The following MAGEC3 variants were observed in gnomAD, a reference collection of about 807,000 sequenced individuals.
MAGEC3 encodes the protein MAGE family member C3, also known as melanoma-associated antigen C3.
Under a neutral mutation model 35.3 loss-of-function variants are expected in MAGEC3, and 34 were observed. The observed-to-expected ratio is 0.96, with a 90% CI of 0.73 to 1.28. The LOEUF (loss-of-function observed/expected upper bound fraction) is 1.28, where lower values mean the gene tolerates loss of function less well. MAGEC3 is among the 50% of genes most tolerant of loss of function. The pLI is 0.00. For synonymous variants in MAGEC3, 202 were observed against 185.6 expected (o/e 1.09, Z -0.72); for missense variants, 561 against 483.6 (o/e 1.16, Z -1.50).
At chrX:141,862,846 A>G (rs1418588988) in intron 1 of MAGEC3, among the ~76,000 whole-genome samples, 1 of 111,835 alleles carries the variant, frequency 8.9e-6, no homozygotes, top group African/African-American at 3.3e-5. Context: ...ACAAACATAC[A>G]GTTAGGTAGA....
chrX:141,883,272 G>A (rs1459070112), intron 4 of MAGEC3, among the ~76,000 whole-genome samples: 2 of 112,215 alleles, frequency 1.8e-5, no homozygotes, highest in Non-Finnish European at 1.9e-5. Flanking sequence ...TCCATTGAAA[G>A]GTCATTTAAT....
At chrX:141,849,696 C>T (rs2017738969) in intron 1 of MAGEC3, among the ~76,000 whole-genome samples, 1 of 110,966 alleles carries the variant, frequency 9.0e-6, no homozygotes, top group African/African-American at 3.3e-5. Context: ...GAGATACCAC[C>T]TCACACCAGT....
intron 1 of MAGEC3, among the ~76,000 whole-genome samples, chrX:141,842,565 G>C (rs1199179693): frequency 1.8e-5 from 2 of 111,765 alleles, no homozygotes; most frequent in East Asian, 2.8e-4. Flanking sequence ...GGTAGTGGTG[G>C]CATCTTTGTT....
chrX:141,856,499 T>C (rs889930649), intron 1 of MAGEC3, among the ~76,000 whole-genome samples: 8 of 111,286 alleles, frequency 7.2e-5, no homozygotes, highest in African/African-American at 2.6e-4. Flanking sequence ...CAATTATACA[T>C]ATTTATTGGG....
intron 1 of MAGEC3, among the ~76,000 whole-genome samples, chrX:141,847,976 G>A (rs988543333): frequency 1.8e-5 from 2 of 110,889 alleles, no homozygotes; most frequent in African/African-American, 6.5e-5. Flanking sequence ...GACTGAACAA[G>A]AAATTAGGAG....
At chrX:141,870,809 T>A (rs1478112416) in intron 2 of MAGEC3, among the ~76,000 whole-genome samples, 1 of 111,928 alleles carries the variant, frequency 8.9e-6, no homozygotes, top group Non-Finnish European at 1.9e-5. Context: ...AGGGGCATGG[T>A]TACTTCCATA....
chrX:141,890,543 G>A (rs1300977828), intron 4 of MAGEC3, among the ~76,000 whole-genome samples: 2 of 111,617 alleles, frequency 1.8e-5, no homozygotes, highest in Non-Finnish European at 3.8e-5. Context: ...GCAGAAAAGT[G>A]CTGTTGAGAA....
chrX:141,856,474 C>G (rs1254440998), intron 1 of MAGEC3, among the ~76,000 whole-genome samples: 1 of 111,164 alleles, frequency 9.0e-6, no homozygotes. Context: ...TTAATGATTA[C>G]TTTTAACTGA....
At chrX:141,839,566 C>T in intron 1 of MAGEC3, 1 of 754,167 alleles carries the variant, frequency 1.3e-6, no homozygotes, top group Non-Finnish European at 1.6e-6. Flanking sequence ...GCAGCTCCTA[C>T]CACTTCCAGG....
At chrX:141,881,912 G>T in intron 4 of MAGEC3, 116 bp downstream of exon 4, 2 of 966,486 alleles carry the variant, frequency 2.1e-6, no homozygotes, top group Non-Finnish European at 2.9e-6. Flanking sequence ...GCTCCTCCAC[G>T]TTATGAATTC....
At chrX:141,865,365 CT>C (rs1603062687) in intron 1 of MAGEC3, 105 bp from the exon 2 acceptor site, 1 of 765,331 alleles carries the variant, frequency 1.3e-6, no homozygotes, top group African/African-American at 2.2e-5. Context: ...TCTCTAATTG[CT>C]TTCACTCATC....
intron 1 of MAGEC3, chrX:141,839,833 A>G (rs1278113656): frequency 4.7e-5 from 25 of 535,029 alleles, no homozygotes; most frequent in Non-Finnish European, 5.4e-5. Context: ...GGTTGTCATA[A>G]TTGGTGGCAG....
chrX:141,893,465 G>T (rs895307141), intron 4 of MAGEC3, among the ~76,000 whole-genome samples: 1 of 110,809 alleles, frequency 9.0e-6, no homozygotes, highest in African/African-American at 3.3e-5. Context: ...ACAAGTCTGT[G>T]TGATACTGTA....
At chrX:141,875,601 TC>T (rs1230807996) in intron 2 of MAGEC3, among the ~76,000 whole-genome samples, 1 of 111,769 alleles carries the variant, frequency 8.9e-6, no homozygotes, top group Non-Finnish European at 1.9e-5. Context: ...TCCCTGACAC[TC>T]CCCATTGATT....
chrX:141,886,550 C>T (rs2018003945), intron 4 of MAGEC3, among the ~76,000 whole-genome samples: 1 of 111,072 alleles, frequency 9.0e-6, no homozygotes, highest in South Asian at 3.9e-4. Flanking sequence ...CCAGGGGACC[C>T]AAAATGACAT....
intron 1 of MAGEC3, among the ~76,000 whole-genome samples, chrX:141,863,407 T>G (rs1281620705): frequency 5.4e-5 from 6 of 111,481 alleles, no homozygotes; most frequent in Admixed American, 4.8e-4. Context: ...ATACATGACA[T>G]TATATATTTG....
chrX:141,846,612 A>T (rs1241552880), intron 1 of MAGEC3, among the ~76,000 whole-genome samples: 4 of 111,140 alleles, frequency 3.6e-5, no homozygotes, highest in African/African-American at 1.3e-4. Context: ...AAGTCCCCCC[A>T]AGATGGTAAC....
intron 2 of MAGEC3, among the ~76,000 whole-genome samples, chrX:141,876,666 CAT>C (rs776690914): frequency 2.2e-4 from 25 of 111,929 alleles, no homozygotes; most frequent in African/African-American, 7.8e-4. Context: ...TTATAATAAA[CAT>C]ATTTTAAGGT....
chrX:141,878,512 C>T (rs115132873), intron 2 of MAGEC3, among the ~76,000 whole-genome samples: 5,059 of 112,225 alleles, frequency 0.045, 144 homozygotes, highest in South Asian at 0.13. Context: ...CTGCTGTCAG[C>T]CCTGGGAGGC....
Sources: allele counts gnomAD v4.1 joint callset (sites outside exome capture counted in the v4.1 genomes callset), GRCh38; gene constraint gnomAD v4.1.1; transcripts MANE v1.5; gene names NCBI Gene and HGNC (gene_info 2026-07-23, HGNC 2026-07-21).